PIK3CB: variants seen among roughly 807,000 people sequenced by gnomAD.
PIK3CB encodes the protein phosphatidylinositol 4,5-bisphosphate 3-kinase catalytic subunit beta isoform.
A neutral mutation model predicts 136.8 loss-of-function variants in PIK3CB; 39 were observed. That is an observed-to-expected ratio of 0.29 (90% CI 0.22 to 0.37). The LOEUF (loss-of-function observed/expected upper bound fraction) is 0.37, where lower values mean the gene tolerates loss of function less well. Among genes scored for constraint, PIK3CB ranks in the 10% least tolerant of loss-of-function variants. The pLI, the probability that PIK3CB is intolerant of heterozygous loss-of-function variation, is 1.00. For synonymous variants in PIK3CB, 428 were observed against 436.6 expected (o/e 0.98, Z 0.25); for missense variants, 868 against 1,275.4 (o/e 0.68, Z 4.87).
chr3:138,771,115 C>A (rs1022200172), intron 2 of PIK3CB, among the ~76,000 whole-genome samples: 1 of 152,090 alleles, frequency 6.6e-6, no homozygotes, highest in Non-Finnish European at 1.5e-5. Flanking sequence ...TCCCTACCCC[C>A]GACGTTGCTC....
intron 8 of PIK3CB, among the ~76,000 whole-genome samples, chr3:138,719,090 C>A (rs1293066459): frequency 2.0e-5 from 3 of 151,976 alleles, no homozygotes; most frequent in African/African-American, 7.3e-5. Context: ...AGCCTGGGCA[C>A]TTTCATTTTT....
chr3:138,728,650 G>A (rs1010126028), intron 8 of PIK3CB, among the ~76,000 whole-genome samples: 10 of 151,808 alleles, frequency 6.6e-5, no homozygotes, highest in Non-Finnish European at 1.2e-4. Flanking sequence ...CATGGTGGCG[G>A]GTGCCTATAG....
intron 2 of PIK3CB, among the ~76,000 whole-genome samples, chr3:138,767,800 T>C (rs2045753100): frequency 6.6e-6 from 1 of 152,170 alleles, no homozygotes; most frequent in Non-Finnish European, 1.5e-5. Flanking sequence ...GGGGACATGG[T>C]GGCACCCGGA....
At chr3:138,820,113 A>G (rs1933494411) in intron 1 of PIK3CB, among the ~76,000 whole-genome samples, 1 of 152,316 alleles carries the variant, frequency 6.6e-6, no homozygotes, top group Middle Eastern at 3.4e-3. Context: ...CACAAAACAA[A>G]TCTTTGCTTT....
intron 12 of PIK3CB, 106 bp from the exon 13 acceptor site, chr3:138,699,201 G>T: frequency 1.2e-5 from 4 of 327,166 alleles, no homozygotes; most frequent in Middle Eastern, 8.6e-4. Context: ...CTAAGTATGT[G>T]AGATACAAAA....
chr3:138,669,404 T>A (rs1434041100), intron 19 of PIK3CB, among the ~76,000 whole-genome samples: 3 of 69,800 alleles, frequency 4.3e-5, no homozygotes, highest in Non-Finnish European at 7.3e-5. Flanking sequence ...TGAGACCCTG[T>A]TTCAAAAAAA....
intron 19 of PIK3CB, among the ~76,000 whole-genome samples, chr3:138,674,198 A>G (rs764036223): frequency 6.6e-5 from 10 of 151,964 alleles, no homozygotes; most frequent in African/African-American, 9.7e-5. Context: ...ACTATTGTGG[A>G]TTCCCAGGTC....
At chr3:138,678,008 T>C (rs1663556) in intron 19 of PIK3CB, among the ~76,000 whole-genome samples, 87,769 of 152,038 alleles carry the variant, frequency 0.58, 26,137 homozygotes, top group East Asian at 0.98. Context: ...TATGGTGGCA[T>C]ATGTCTGTAA....
intron 19 of PIK3CB, among the ~76,000 whole-genome samples, chr3:138,672,091 G>T (rs2043545967): frequency 6.6e-6 from 1 of 151,820 alleles, no homozygotes; most frequent in Non-Finnish European, 1.5e-5. Flanking sequence ...GAAAAAAAGT[G>T]GGGGGGTTCT....
At chr3:138,828,465 G>T (rs1036814566) in intron 1 of PIK3CB, among the ~76,000 whole-genome samples, 3 of 152,050 alleles carry the variant, frequency 2.0e-5, no homozygotes, top group Non-Finnish European at 4.4e-5. Flanking sequence ...GATTACAGGC[G>T]TAAACCACAG....
chr3:138,810,171 C>T (rs1932950245), intron 1 of PIK3CB, among the ~76,000 whole-genome samples: 2 of 152,102 alleles, frequency 1.3e-5, no homozygotes, highest in Admixed American at 6.6e-5. Context: ...TAAATATCTA[C>T]AAGTCTACAC....
intron 2 of PIK3CB, among the ~76,000 whole-genome samples, chr3:138,763,121 A>AGTATGTATGTAAGTATGTAT (rs1553737682): frequency 6.7e-6 from 1 of 149,534 alleles, no homozygotes; most frequent in Non-Finnish European, 1.5e-5. Flanking sequence ...AATGAAAGTT[A>AGTATGTATGTAAGTATGTAT]GTATGTATGT....
At chr3:138,776,372 A>C (rs1282535048) in intron 2 of PIK3CB, among the ~76,000 whole-genome samples, 1 of 152,062 alleles carries the variant, frequency 6.6e-6, no homozygotes, top group Non-Finnish European at 1.5e-5. Flanking sequence ...GTTTTGGATA[A>C]AACATTAGCA....
At chr3:138,794,637 T>C (rs888257182) in intron 2 of PIK3CB, among the ~76,000 whole-genome samples, 1 of 152,170 alleles carries the variant, frequency 6.6e-6, no homozygotes, top group Non-Finnish European at 1.5e-5. Context: ...CATTTACTAA[T>C]ATACCAAGAA....
intron 12 of PIK3CB, among the ~76,000 whole-genome samples, chr3:138,702,905 CA>C (rs1202030848): frequency 6.6e-6 from 1 of 152,078 alleles, no homozygotes; most frequent in Non-Finnish European, 1.5e-5. Context: ...AAAAAGCAGT[CA>C]AACACAAGGA....
At chr3:138,797,653 A>G (rs1169162764) in intron 1 of PIK3CB, among the ~76,000 whole-genome samples, 3 of 152,206 alleles carry the variant, frequency 2.0e-5, no homozygotes, top group Non-Finnish European at 4.4e-5. Flanking sequence ...CTCAAAAATA[A>G]CAAACTTGTT....
intron 2 of PIK3CB, chr3:138,778,240 T>G (rs2045883267): frequency 9.1e-6 from 4 of 439,624 alleles, no homozygotes; most frequent in Non-Finnish European, 1.8e-5. Context: ...CCATGAAAAG[T>G]AAAAAAACAC....
intron 14 of PIK3CB, among the ~76,000 whole-genome samples, chr3:138,693,051 G>C (rs1559818781): frequency 6.6e-6 from 1 of 152,130 alleles, no homozygotes; most frequent in Non-Finnish European, 1.5e-5. Flanking sequence ...TAATGGGAGA[G>C]ACTAACCTCA....
At chr3:138,664,788 T>C (rs371800195) in intron 20 of PIK3CB, among the ~76,000 whole-genome samples, 2 of 152,306 alleles carry the variant, frequency 1.3e-5, no homozygotes, top group Admixed American at 6.5e-5. Flanking sequence ...TATCTTTAAA[T>C]ACTTAAATTC....
Sources: allele counts gnomAD v4.1 joint callset (sites outside exome capture counted in the v4.1 genomes callset), GRCh38; gene constraint gnomAD v4.1.1; transcripts MANE v1.5; gene names NCBI Gene and HGNC (gene_info 2026-07-23, HGNC 2026-07-21).